Variants in CLUAP1 observed in about 807,000 individuals in gnomAD.
CLUAP1 encodes clusterin-associated protein 1.
Under a neutral mutation model 55.0 loss-of-function variants are expected in CLUAP1, and 50 were observed. That is an observed-to-expected ratio of 0.91 (90% CI 0.72 to 1.15). CLUAP1 has a LOEUF of 1.15. Among genes scored for constraint, CLUAP1 ranks in the 50% most tolerant of loss-of-function variants. CLUAP1 has a pLI of 0.00. For synonymous variants in CLUAP1, 195 were observed against 175.4 expected, an observed-to-expected ratio of 1.11 and a Z score of -0.88; for missense variants, 530 against 507.6, an observed-to-expected ratio of 1.04 and a Z score of -0.42.
chr16:3,500,843 G>A, upstream of CLUAP1: 1 of 574,594 alleles, frequency 1.7e-6, no homozygotes, highest in Non-Finnish European at 3.1e-6. Flanking sequence ...CATAGACGCC[G>A]GTATCGCCAC....
intron 2 of CLUAP1, among the ~76,000 whole-genome samples, chr16:3,506,074 C>G (rs528578974): frequency 9.2e-5 from 14 of 152,350 alleles, no homozygotes; most frequent in Non-Finnish European, 1.3e-4. Context: ...AGCTTCATGA[C>G]ATGGTGAGAT....
intron 5 of CLUAP1, 170 bp from the exon 6 acceptor site, chr16:3,515,338 A>G (rs2037709888): frequency 1.9e-6 from 1 of 517,908 alleles, no homozygotes; most frequent in South Asian, 2.8e-5. Flanking sequence ...GTAGGCACTC[A>G]GATAATGGAA....
At chr16:3,507,060 G>A (rs2037520751) in intron 3 of CLUAP1, among the ~76,000 whole-genome samples, 1 of 151,858 alleles carries the variant, frequency 6.6e-6, no homozygotes, top group South Asian at 2.1e-4. Context: ...GTTGGATGTG[G>A]TGGCGGGCAC....
In CLUAP1 at chr16:3,529,553, A is replaced by G. The variant is rs1315981103; in HGVS notation, c.929-1015A>G. Among the ~76,000 whole-genome samples the G allele has an allele frequency of 8.3e-3, 443 of 53,058 alleles. 9 individuals are homozygous for G. Among genetic ancestry groups the G allele is most frequent in the Non-Finnish European group, 0.012 (385 of 32,016 alleles). The allele number at this position is 53,058 out of a possible 152,430, so 34.8% of individuals were successfully genotyped here. On this transcript the variant is annotated intron_variant, in intron 9 of 11. Transcript: ENST00000576634. ...TATATGTTATATATTATTATATATT[A>G]TATATTATTATATATTATATATTAT... is the stretch of plus-strand genomic sequence containing the variant.
chr16:3,496,873 C>CTTTTTTT (rs369156559), upstream of CLUAP1: 24 of 245,478 alleles, frequency 9.8e-5, no homozygotes, highest in South Asian at 2.9e-4. Context: ...TTTTTCTTTT[C>CTTTTTTT]TTTTTTTTTT....
intron 2 of CLUAP1, 92 bp from the exon 3 acceptor site, chr16:3,506,239 C>G: frequency 9.7e-7 from 1 of 1,035,212 alleles, no homozygotes; most frequent in African/African-American, 1.6e-5. Context: ...GCGTTGTGTT[C>G]CAGACCCGCT....
At chr16:3,512,973 C>T (rs2037661154) in intron 5 of CLUAP1, among the ~76,000 whole-genome samples, 1 of 152,158 alleles carries the variant, frequency 6.6e-6, no homozygotes, top group African/African-American at 2.4e-5. Flanking sequence ...AGCCACCGCG[C>T]CCGGCACTGG....
chr16:3,525,993 G>T (rs765349867), intron 8 of CLUAP1, among the ~76,000 whole-genome samples: 1 of 152,158 alleles, frequency 6.6e-6, no homozygotes, highest in Non-Finnish European at 1.5e-5. Flanking sequence ...GAATCTGAAG[G>T]CAGGGCAGGA....
intron 9 of CLUAP1, among the ~76,000 whole-genome samples, chr16:3,529,870 A>G (rs1320996510): frequency 4.7e-4 from 30 of 63,158 alleles, no homozygotes; most frequent in Middle Eastern, 4.9e-3. Flanking sequence ...AATATAATTT[A>G]TAATTTATAA....
chr16:3,521,010 T>C (rs113675376), intron 7 of CLUAP1, among the ~76,000 whole-genome samples: 305 of 152,256 alleles, frequency 2.0e-3, no homozygotes, highest in African/African-American at 6.9e-3. Flanking sequence ...TGTTGGTGGC[T>C]GGCTACACCC....
rs754099444 is a variant in CLUAP1 at position 3,515,514 on chromosome 16, A to G, written c.502A>G (p.Arg168Gly). 1 of 1,585,490 alleles carries G rather than the reference A, an allele frequency of 6.3e-7. No individual in the cohort carries two copies. The highest frequency in any genetic ancestry group is 1.2e-5 in the South Asian group (1 of 85,800). Reference sequence around the variant, plus strand: ...TGATTTTACTGTTTCCTAGGAAATGAGAACAGAAGCCATTGCCAGACCTCT... The same window carrying G: ...TGATTTTACTGTTTCCTAGGAAATGGGAACAGAAGCCATTGCCAGACCTCT... ...LGMEVELREM[R>G]TEAIARPLEI... Residue 168 changes from arginine to glycine, a missense_variant, in exon 6 of 12, where the codon AGA becomes GGA. Coordinates refer to ENST00000576634, the MANE Select transcript of CLUAP1 (RefSeq NM_015041.3).
chr16:3,506,280 A>G, intron 2 of CLUAP1, 51 bp from the exon 3 acceptor site: 1 of 1,438,988 alleles, frequency 6.9e-7, no homozygotes, highest in Non-Finnish European at 9.8e-7. Context: ...TCTCTTTAGT[A>G]GACTTTCTCC....
chr16:3,524,539 G>A (rs2037902181), intron 8 of CLUAP1, among the ~76,000 whole-genome samples: 1 of 144,666 alleles, frequency 6.9e-6, no homozygotes, highest in African/African-American at 2.6e-5. Flanking sequence ...AGAGGTTGCA[G>A]TGAGCCGAGA....
chr16:3,519,934 A>G lies in CLUAP1; in HGVS notation c.611A>G (p.Asn204Ser), dbSNP rs949373226. ...TQVQKTKDLLNNVASDEANLE... is the reference protein window; with the variant it reads ...TQVQKTKDLLSNVASDEANLE... ...GTTCAGAAGACTAAAGACCTGCTCA[A>G]TAATGTGGCCTCTGATGAAGCTAAT... Residue 204 changes from asparagine (N) to serine (S), a missense_variant, in exon 7 of 12, where the codon AAT becomes AGT. Physicochemically the swap from Asn to Ser is conservative, Grantham distance 46. Coordinates refer to ENST00000576634, the MANE Select transcript of CLUAP1 (RefSeq NM_015041.3). 4 of 1,612,926 alleles carry G rather than the reference A, an allele frequency of 2.5e-6. No homozygotes were observed. Among genetic ancestry groups the G allele is most frequent in the South Asian group, 1.1e-5 (1 of 90,750 alleles).
At chr16:3,514,811 CA>C (rs1217147622) in intron 5 of CLUAP1, among the ~76,000 whole-genome samples, 2 of 152,172 alleles carry the variant, frequency 1.3e-5, no homozygotes, top group South Asian at 2.1e-4. Flanking sequence ...CGAGTTTCAA[CA>C]TAGGAATTTT....
chr16:3,516,969 A>C (rs2037740066), intron 6 of CLUAP1, among the ~76,000 whole-genome samples: 1 of 152,194 alleles, frequency 6.6e-6, no homozygotes, highest in Non-Finnish European at 1.5e-5. Flanking sequence ...TAAGCATCAA[A>C]ATAAATAAGT....
upstream of CLUAP1, among the ~76,000 whole-genome samples, chr16:3,498,277 G>A (rs1396844492): frequency 2.6e-5 from 4 of 151,540 alleles, no homozygotes; most frequent in Non-Finnish European, 4.4e-5. Context: ...CACCACACTG[G>A]TGAGGGCAAT....
At chr16:3,502,214 AG>A (rs2037416998) in intron 1 of CLUAP1, 1 of 152,246 alleles carries the variant, frequency 6.6e-6, no homozygotes, top group South Asian at 2.1e-4. Context: ...AGACCGAGGC[AG>A]GCGGATCACT....
In CLUAP1 at chr16:3,508,383, A is replaced by G. The variant is rs770723847; in HGVS notation, c.314A>G (p.Tyr105Cys). Reference sequence around the variant, plus strand: ...CTGCTGAAGATCACATCTGTCCTTTATAATGCTATGAAGACCAAGGGGATG... The same window carrying G: ...CTGCTGAAGATCACATCTGTCCTTTGTAATGCTATGAAGACCAAGGGGATG... ...KELLKITSVL[Y>C]NAMKTKGMEG... Residue 105 changes from tyrosine to cysteine, a missense_variant, in exon 4 of 12, where the codon TAT (tyrosine) becomes TGT (cysteine). Coordinates refer to ENST00000576634, the MANE Select transcript of CLUAP1 (RefSeq NM_015041.3). 6.9e-6 allele frequency: 11 copies of G among 1,605,572 alleles called. No individual in the cohort carries two copies. In the Admixed American group the frequency reaches 8.7e-5, roughly 13 times the overall value.
Sources: gnomAD v4.1 joint callset for allele counts (sites outside exome capture counted in the v4.1 genomes callset) on GRCh38, gnomAD v4.1.1 for gene constraint, MANE v1.5 for transcripts, NCBI Gene and HGNC (gene_info 2026-07-23, HGNC 2026-07-21) for gene names.